Variants in EVA1C observed in about 807,000 individuals in gnomAD.
The protein encoded by EVA1C is protein eva-1 homolog C.
EVA1C carries 25 observed loss-of-function variants against 45.4 expected under a neutral mutation model. The observed-to-expected ratio is 0.55, with a 90% CI of 0.40 to 0.77. EVA1C has a LOEUF of 0.77. Among genes scored for constraint, EVA1C ranks in the 30% least tolerant of loss-of-function variants. EVA1C has a pLI of 0.00. For synonymous variants in EVA1C, 190 were observed against 221.2 expected (o/e 0.86, Z 1.25); for missense variants, 479 against 554.8 (o/e 0.86, Z 1.37).
intron 1 of EVA1C, among the ~76,000 whole-genome samples, chr21:32,446,041 C>T (rs962535177): frequency 2.6e-4 from 40 of 152,084 alleles, no homozygotes; most frequent in Admixed American, 1.3e-3. Flanking sequence ...GTCAGGAGTT[C>T]GAGACCAGCC....
intron 4 of EVA1C, among the ~76,000 whole-genome samples, chr21:32,475,051 T>G (rs2036506086): frequency 6.6e-6 from 1 of 152,218 alleles, no homozygotes; most frequent in East Asian, 1.9e-4. Context: ...GGGATGATTA[T>G]GTGAGAGCGA....
Position 32,487,525 on chromosome 21 carries a change from G to A in EVA1C, c.635-7502G>A, listed in dbSNP as rs184428944. On this transcript the variant is annotated intron_variant, in intron 4 of 7. Coordinates refer to ENST00000300255, the MANE Select transcript of EVA1C (RefSeq NM_058187.5). ...ACCTGAAGTCAGAAGTTCAAGACCAGCCTGGCCAACATGGTGAAAACCCAT... is the reference window on the plus strand; with the variant it reads ...ACCTGAAGTCAGAAGTTCAAGACCAACCTGGCCAACATGGTGAAAACCCAT... Among the ~76,000 whole-genome samples, 408 of 152,180 alleles carry A rather than the reference G, an allele frequency of 2.7e-3. 1 individual carries two copies. Among genetic ancestry groups the A allele is most frequent in the African/African-American group, 9.0e-3 (374 of 41,508 alleles).
At chr21:32,432,440 C>G (rs1429716981) in intron 1 of EVA1C, among the ~76,000 whole-genome samples, 1 of 152,042 alleles carries the variant, frequency 6.6e-6, no homozygotes, top group Non-Finnish European at 1.5e-5. Flanking sequence ...GAACCTGGAG[C>G]TTTGGCAAAG....
At chr21:32,470,333 T>C (rs2036324372) in intron 4 of EVA1C, among the ~76,000 whole-genome samples, 1 of 152,176 alleles carries the variant, frequency 6.6e-6, no homozygotes, top group African/African-American at 2.4e-5. Context: ...GGGAAGGCCC[T>C]TGTGTCGAGA....
At chr21:32,445,105 C>T (rs1214244891) in intron 1 of EVA1C, among the ~76,000 whole-genome samples, 1 of 151,848 alleles carries the variant, frequency 6.6e-6, no homozygotes, top group Non-Finnish European at 1.5e-5. Context: ...TTGAGGGCTT[C>T]AATATTTAAA....
intron 4 of EVA1C, among the ~76,000 whole-genome samples, chr21:32,491,546 G>A (rs879573348): frequency 2.0e-5 from 3 of 151,850 alleles, no homozygotes; most frequent in Admixed American, 2.0e-4. Flanking sequence ...AAAATTAGCC[G>A]GGCATGGTGG....
intron 6 of EVA1C, among the ~76,000 whole-genome samples, chr21:32,502,328 A>G (rs2037587051): frequency 6.6e-6 from 1 of 151,862 alleles, no homozygotes; most frequent in Non-Finnish European, 1.5e-5. Context: ...TGAACTCCTG[A>G]CCTCAGGTGT....
intron 4 of EVA1C, among the ~76,000 whole-genome samples, chr21:32,485,850 C>T (rs1325785040): frequency 6.6e-6 from 1 of 152,216 alleles, no homozygotes; most frequent in African/African-American, 2.4e-5. Context: ...ATTAATGTAA[C>T]TGTTACAGCC....
intron 1 of EVA1C, chr21:32,433,403 G>A (rs1303609166): frequency 2.0e-5 from 3 of 152,484 alleles, no homozygotes; most frequent in Non-Finnish European, 4.4e-5. Flanking sequence ...GCAGAGCAAT[G>A]AGCAGTGTTC....
In EVA1C at chr21:32,467,759, A is replaced by G. The variant is rs2036225250; in HGVS notation, c.545A>G (p.Lys182Arg). The change falls in exon 4 of 8, where the codon AAG (lysine) becomes AGG (arginine). Residue 182 changes from lysine (K) to arginine (R), a missense_variant. This residue lies in a region of EVA1C where 366 missense variants were observed against 426.1 expected (regional missense o/e 0.86). Coordinates refer to ENST00000300255, the MANE Select transcript of EVA1C (RefSeq NM_058187.5). Reference protein sequence around the residue: ...QELKLHCHESKFLNIYSATYG... With the variant: ...QELKLHCHESRFLNIYSATYG... ...CTGAAACTGCACTGCCATGAATCCA[A>G]GTTCCTCAACATCTACTCTGCGACC... is the stretch of plus-strand genomic sequence containing the variant. 2 of 1,612,794 alleles carry G rather than the reference A, an allele frequency of 1.2e-6. No individual in the cohort carries two copies. The highest frequency in any genetic ancestry group is 1.7e-5 in the Admixed American group (1 of 59,834).
intron 4 of EVA1C, among the ~76,000 whole-genome samples, chr21:32,488,023 C>G (rs1001168404): frequency 8.5e-5 from 13 of 152,104 alleles, no homozygotes; most frequent in African/African-American, 2.9e-4. Context: ...CCTGTGGTAT[C>G]TGTACTAACT....
intron 6 of EVA1C, among the ~76,000 whole-genome samples, chr21:32,501,992 CTTTCTTTCTTTCT>C (rs1568949545): frequency 1.5e-3 from 11 of 7,372 alleles, no homozygotes; most frequent in African/African-American, 4.3e-3. Flanking sequence ...TCTTTTCTTT[CTTTCTTTCTTTCT>C]TTCTTTCTTT....
intron 2 of EVA1C, among the ~76,000 whole-genome samples, chr21:32,456,127 G>C (rs1301719576): frequency 6.6e-6 from 1 of 152,150 alleles, no homozygotes; most frequent in Admixed American, 6.5e-5. Context: ...CCTGACCTCA[G>C]GTGATCTGCC....
chr21:32,476,693 G>A (rs2036580354), intron 4 of EVA1C, among the ~76,000 whole-genome samples: 1 of 151,856 alleles, frequency 6.6e-6, no homozygotes, highest in Admixed American at 6.6e-5. Flanking sequence ...GAGAAGTAGG[G>A]GCATGTGTGT....
rs1363419373 is a variant in EVA1C, at chr21:32,503,934, T to G, written c.868T>G (p.Phe290Val). 6.2e-6 allele frequency: 10 copies of G among 1,610,430 alleles called. No homozygotes were observed. The African/African-American group carries it at 1.2e-4, about 19-fold the overall frequency. The change falls in exon 7 of 8, where the codon TTC becomes GTC. Residue 290 changes from phenylalanine to valine, a missense_variant. Transcript: ENST00000300255. ...CATTTTTCATGAAACAGGTATAAAC[T>G]TCGACCCAAGCGGATCGAAGGTTCT... The part of the protein sequence containing the change: ...KQKDGEYGIN[F>V]DPSGSKVLRK...
chr21:32,515,098 A>G lies in EVA1C; in HGVS notation c.1234A>G (p.Arg412Gly). Residue 412 changes from arginine to glycine, a missense_variant, in exon 8 of 8, where the codon AGG (arginine) becomes GGG (glycine). By Grantham distance (125) the Arg-to-Gly change is moderately radical. Transcript: ENST00000300255. ...CATAGAAGCTGCAGAGCTCGCAGAAAGGATTGAGCGCAGGGAGCAAATCAT... is the reference window on the plus strand; with the variant it reads ...CATAGAAGCTGCAGAGCTCGCAGAAGGGATTGAGCGCAGGGAGCAAATCAT... ...SSIEAAELAE[R>G]IERREQIIQE... 6.2e-7 allele frequency: 1 copy of G among 1,614,174 alleles called. No homozygotes were observed. The highest frequency in any genetic ancestry group is 1.1e-5 in the South Asian group (1 of 91,086).
At chr21:32,414,119 C>T (rs529029150) in intron 1 of EVA1C, among the ~76,000 whole-genome samples, 1 of 152,118 alleles carries the variant, frequency 6.6e-6, no homozygotes, top group East Asian at 1.9e-4. Context: ...AGTGGAGAGC[C>T]CTTAGGTCAG....
chr21:32,501,322 A>G, intron 5 of EVA1C, 93 bp from the exon 6 acceptor site: 2 of 1,132,034 alleles, frequency 1.8e-6, no homozygotes, highest in Non-Finnish European at 2.5e-6. Flanking sequence ...AAGTGATTTT[A>G]AAATCTTATC....
At chr21:32,497,591 T>C (rs1346127439) in intron 5 of EVA1C, among the ~76,000 whole-genome samples, 1 of 152,216 alleles carries the variant, frequency 6.6e-6, no homozygotes, top group Non-Finnish European at 1.5e-5. Flanking sequence ...GTGCAGTTTC[T>C]AGTGTGCTTT....
Sources: allele counts gnomAD v4.1 joint callset (sites outside exome capture counted in the v4.1 genomes callset), GRCh38; gene constraint gnomAD v4.1.1; regional missense constraint gnomAD v4.1.1; transcripts MANE v1.5; gene names NCBI Gene and HGNC (gene_info 2026-07-23, HGNC 2026-07-21).